Variants in CSMD1 observed in about 807,000 individuals in gnomAD.
CSMD1 encodes CUB and sushi domain-containing protein 1.
A neutral mutation model predicts 417.5 loss-of-function variants in CSMD1; 213 were observed. The ratio of observed to expected loss-of-function variants is 0.51; its 90% CI spans 0.46 to 0.57. CSMD1 has a LOEUF of 0.57. Ranked by LOEUF, CSMD1 falls within the 20% of genes least tolerant of loss-of-function variation. The probability of loss-of-function intolerance (pLI) is 0.00; values close to 1 mark genes in which losing one functional copy is unlikely to be tolerated. For synonymous variants in CSMD1, 2,862 were observed against 1,736.8 expected (o/e 1.65, Z -16.11); for missense variants, 6,923 against 4,529.7 (o/e 1.53, Z -15.17).
At chr8:3,621,544 C>G (rs1454503683) in intron 7 of CSMD1, among the ~76,000 whole-genome samples, 1 of 152,004 alleles carries the variant, frequency 6.6e-6, no homozygotes, top group Non-Finnish European at 1.5e-5. Flanking sequence ...ACAATAGCAT[C>G]AATATATTTA....
chr8:4,083,861 A>C (rs934655579), intron 3 of CSMD1, among the ~76,000 whole-genome samples: 2 of 152,344 alleles, frequency 1.3e-5, no homozygotes, highest in South Asian at 2.1e-4. Flanking sequence ...TAAACTAAAG[A>C]GCTTCTGCAC....
At chr8:3,577,684 C>G (rs1156957038) in intron 9 of CSMD1, among the ~76,000 whole-genome samples, 1 of 152,198 alleles carries the variant, frequency 6.6e-6, no homozygotes, top group Non-Finnish European at 1.5e-5. Flanking sequence ...TTATGTAATT[C>G]TAACCCTCCT....
rs570948375 is a variant in CSMD1 at position 3,746,445 on chromosome 8, A to C, written c.931+7485T>G. On this transcript the variant is annotated intron_variant, in intron 6 of 69. Coordinates refer to ENST00000635120, the MANE Select transcript of CSMD1 (RefSeq NM_033225.6). ...AAAGTTTAGAGAAAGGAAGGATTTA[A>C]AGTGGTTTTATATATAACAGTAAAC... Among the ~76,000 whole-genome samples the C allele has an allele frequency of 8.5e-5, 13 of 152,332 alleles. 1 individual carries two copies. In the South Asian group the frequency reaches 2.7e-3, roughly 32 times the overall value.
chr8:4,545,964 C>T (rs140849388), intron 2 of CSMD1, among the ~76,000 whole-genome samples: 3 of 150,990 alleles, frequency 2.0e-5, no homozygotes, highest in East Asian at 1.9e-4. Context: ...TCTCCCATGT[C>T]GCCTGAATCC....
chr8:4,711,080 G>A (rs1450672509), intron 1 of CSMD1, among the ~76,000 whole-genome samples: 1 of 150,364 alleles, frequency 6.7e-6, no homozygotes, highest in Non-Finnish European at 1.5e-5. Context: ...TGATATTTCA[G>A]AAAACAGTCT....
At chr8:4,279,839 G>A (rs1796682365) in intron 3 of CSMD1, among the ~76,000 whole-genome samples, 1 of 152,150 alleles carries the variant, frequency 6.6e-6, no homozygotes, top group East Asian at 1.9e-4. Flanking sequence ...GTGCTTGCCT[G>A]CAGCAGCTCA....
chr8:3,231,876 G>A (rs112367817), intron 26 of CSMD1, among the ~76,000 whole-genome samples: 2 of 152,270 alleles, frequency 1.3e-5, no homozygotes, highest in African/African-American at 4.8e-5. Context: ...AAGTCATTAA[G>A]TCTGCTATGA....
chr8:3,658,958 T>C (rs551261715), intron 7 of CSMD1, among the ~76,000 whole-genome samples: 16 of 152,336 alleles, frequency 1.1e-4, no homozygotes, highest in African/African-American at 3.8e-4. Context: ...ATAACTTTCA[T>C]ATGCTAGGAA....
At chr8:3,166,943 T>C (rs1293404388) in intron 37 of CSMD1, among the ~76,000 whole-genome samples, 2 of 152,248 alleles carry the variant, frequency 1.3e-5, no homozygotes, top group African/African-American at 2.4e-5. Flanking sequence ...ATATGCTTCA[T>C]ACCATAAATG....
intron 12 of CSMD1, among the ~76,000 whole-genome samples, chr8:3,410,480 G>C (rs1812616415): frequency 6.6e-6 from 1 of 152,180 alleles, no homozygotes; most frequent in Non-Finnish European, 1.5e-5. Flanking sequence ...TCTCAGGATA[G>C]TGAATAAGGC....
chr8:3,051,092 A>G (rs972338739), intron 50 of CSMD1, among the ~76,000 whole-genome samples: 1 of 152,220 alleles, frequency 6.6e-6, no homozygotes, highest in East Asian at 1.9e-4. Flanking sequence ...CAATCCCATT[A>G]CTGGGTATAT....
intron 5 of CSMD1, among the ~76,000 whole-genome samples, chr8:3,985,487 G>C (rs1300892545): frequency 6.6e-6 from 1 of 152,072 alleles, no homozygotes; most frequent in Non-Finnish European, 1.5e-5. Context: ...TTGCTGCTCA[G>C]AAGTCTCCAT....
At chr8:4,269,115 G>C (rs950280590) in intron 3 of CSMD1, among the ~76,000 whole-genome samples, 4 of 152,180 alleles carry the variant, frequency 2.6e-5, no homozygotes, top group African/African-American at 9.7e-5. Context: ...GGAGTGCAGT[G>C]GTGTGATCTT....
intron 1 of CSMD1, among the ~76,000 whole-genome samples, chr8:4,820,470 T>C (rs992415501): frequency 3.3e-5 from 5 of 152,080 alleles, no homozygotes; most frequent in Non-Finnish European, 5.9e-5. Context: ...CTGTCAATGT[T>C]AACAAAAAGC....
chr8:4,716,496 T>A (rs2116887530), intron 1 of CSMD1, among the ~76,000 whole-genome samples: 1 of 152,336 alleles, frequency 6.6e-6, no homozygotes, highest in East Asian at 1.9e-4. Context: ...GTATTCATAA[T>A]ACTTCAACAT....
At chr8:3,408,648 G>T (rs561632514) in intron 13 of CSMD1, among the ~76,000 whole-genome samples, 1 of 151,948 alleles carries the variant, frequency 6.6e-6, no homozygotes, top group African/African-American at 2.4e-5. Flanking sequence ...TCCTGTGAGT[G>T]CATTTTCTCC....
At chr8:3,686,676 G>C (rs1428010580) in intron 7 of CSMD1, among the ~76,000 whole-genome samples, 1 of 152,110 alleles carries the variant, frequency 6.6e-6, no homozygotes, top group Non-Finnish European at 1.5e-5. Context: ...TATCCACCTG[G>C]TCACTTCTCT....
At chr8:4,571,853 G>A (rs1359724930) in intron 2 of CSMD1, among the ~76,000 whole-genome samples, 1 of 152,192 alleles carries the variant, frequency 6.6e-6, no homozygotes, top group African/African-American at 2.4e-5. Flanking sequence ...AACTCTTCTT[G>A]CATTGATCCC....
At chr8:3,338,373 A>T (rs764457966) in intron 23 of CSMD1, among the ~76,000 whole-genome samples, 17 of 152,222 alleles carry the variant, frequency 1.1e-4, no homozygotes, top group Non-Finnish European at 2.2e-4. Context: ...CTGACCAAGT[A>T]CATAAATAAA....
Sources: allele counts gnomAD v4.1 joint callset (sites outside exome capture counted in the v4.1 genomes callset), GRCh38; gene constraint gnomAD v4.1.1; transcripts MANE v1.5; gene names NCBI Gene and HGNC (gene_info 2026-07-23, HGNC 2026-07-21).